The following ARHGAP6 variants were observed in gnomAD, a reference collection of about 807,000 sequenced individuals.
ARHGAP6 encodes the protein rho GTPase-activating protein 6.
In ARHGAP6, 16 loss-of-function variants were observed where a neutral mutation model predicts 55.7. The observed-to-expected ratio is 0.29, with a 90% CI of 0.19 to 0.44. The LOEUF (loss-of-function observed/expected upper bound fraction) is 0.44. Among genes scored for constraint, ARHGAP6 ranks in the 20% least tolerant of loss-of-function variants. The probability of loss-of-function intolerance (pLI) is 1.00; values close to 1 mark genes in which losing one functional copy is unlikely to be tolerated. For missense variants in ARHGAP6, 698 were observed against 808.9 expected, an observed-to-expected ratio of 0.86 and a Z score of 1.66; for synonymous variants, 382 against 360.9, an observed-to-expected ratio of 1.06 and a Z score of -0.66.
chrX:11,600,891 G>T (rs780851992), intron 1 of ARHGAP6, among the ~76,000 whole-genome samples: 1 of 111,925 alleles, frequency 8.9e-6, no homozygotes, highest in South Asian at 3.8e-4. Flanking sequence ...GGACCTTTGC[G>T]AGCCTGGGTG....
At chrX:11,283,453 T>C (rs2047884055) in intron 1 of ARHGAP6, among the ~76,000 whole-genome samples, 1 of 111,810 alleles carries the variant, frequency 8.9e-6, no homozygotes, top group Admixed American at 9.5e-5. Context: ...AGAATAAAGG[T>C]AAAATTATTT....
intron 1 of ARHGAP6, among the ~76,000 whole-genome samples, chrX:11,414,256 C>G (rs2049722271): frequency 8.9e-6 from 1 of 112,362 alleles, no homozygotes; most frequent in African/African-American, 3.2e-5. Flanking sequence ...AGTGTGAAAG[C>G]AGCCAAAGAC....
chrX:11,333,635 G>A (rs1269941486), intron 1 of ARHGAP6, among the ~76,000 whole-genome samples: 1 of 112,415 alleles, frequency 8.9e-6, no homozygotes, highest in Non-Finnish European at 1.9e-5. Flanking sequence ...GCATGAAAAA[G>A]GAGAAGAGAT....
chrX:11,490,064 C>T (rs986914038), intron 1 of ARHGAP6, among the ~76,000 whole-genome samples: 1 of 111,321 alleles, frequency 9.0e-6, no homozygotes, highest in Non-Finnish European at 1.9e-5. Context: ...CAGACATATC[C>T]TAAGATGACC....
intron 1 of ARHGAP6, among the ~76,000 whole-genome samples, chrX:11,448,132 C>T (rs1408779597): frequency 8.9e-6 from 1 of 112,477 alleles, no homozygotes; most frequent in Non-Finnish European, 1.9e-5. Flanking sequence ...TTCAGCCACT[C>T]TCTGTCATGC....
chrX:11,497,247 T>G (rs983804138), intron 1 of ARHGAP6, among the ~76,000 whole-genome samples: 5 of 112,148 alleles, frequency 4.5e-5, no homozygotes, highest in Non-Finnish European at 9.4e-5. Flanking sequence ...ATAACTTAGT[T>G]GGATTATATA....
intron 10 of ARHGAP6, among the ~76,000 whole-genome samples, chrX:11,155,551 C>A (rs147431995): frequency 1.8e-5 from 2 of 111,527 alleles, no homozygotes. Context: ...CTGCCCGCCT[C>A]GGCATCCCAA....
intron 1 of ARHGAP6, among the ~76,000 whole-genome samples, chrX:11,361,567 G>T (rs2049011692): frequency 9.1e-6 from 1 of 109,721 alleles, no homozygotes; most frequent in African/African-American, 3.3e-5. Context: ...GAAAACCTAG[G>T]CAATACCATT....
chrX:11,241,923 T>C (rs1306407977), intron 2 of ARHGAP6, among the ~76,000 whole-genome samples: 1 of 111,602 alleles, frequency 9.0e-6, no homozygotes, highest in African/African-American at 3.3e-5. Flanking sequence ...ACTTGTGAAA[T>C]GTACTAATCC....
At chrX:11,145,638 C>A (rs2045679762) in intron 10 of ARHGAP6, among the ~76,000 whole-genome samples, 1 of 112,384 alleles carries the variant, frequency 8.9e-6, no homozygotes, top group African/African-American at 3.2e-5. Context: ...CACCTGGGAA[C>A]TTGTTGGCAA....
chrX:11,383,490 G>A (rs996178495), intron 1 of ARHGAP6, among the ~76,000 whole-genome samples: 7 of 111,202 alleles, frequency 6.3e-5, no homozygotes, highest in African/African-American at 2.0e-4. Context: ...CCCAGGATGA[G>A]GGCAAAACTC....
chrX:11,367,023 A>G (rs2049089797), intron 1 of ARHGAP6, among the ~76,000 whole-genome samples: 1 of 111,698 alleles, frequency 9.0e-6, no homozygotes, highest in Admixed American at 9.5e-5. Flanking sequence ...GAGAAATAAT[A>G]GAGTTATGGA....
chrX:11,543,323 T>C (rs2051178805), intron 1 of ARHGAP6, among the ~76,000 whole-genome samples: 1 of 112,925 alleles, frequency 8.9e-6, no homozygotes, highest in Non-Finnish European at 1.9e-5. Context: ...AGAGGTTATT[T>C]TGTATAATTT....
intron 2 of ARHGAP6, among the ~76,000 whole-genome samples, chrX:11,202,799 C>CAAAAAAAA (rs776633959): frequency 0.026 from 250 of 9,457 alleles, 24 homozygotes; most frequent in Non-Finnish European, 0.035. Flanking sequence ...GACTCCGTCT[C>CAAAAAAAA]AAAAAAAAAA....
chrX:11,502,137 G>A (rs778346320), intron 1 of ARHGAP6, among the ~76,000 whole-genome samples: 10 of 112,418 alleles, frequency 8.9e-5, no homozygotes, highest in Non-Finnish European at 1.3e-4. Context: ...ATAAACTGTT[G>A]TATATTCATA....
intron 1 of ARHGAP6, among the ~76,000 whole-genome samples, chrX:11,257,302 G>T (rs2047505207): frequency 8.9e-6 from 1 of 112,002 alleles, no homozygotes; most frequent in Non-Finnish European, 1.9e-5. Flanking sequence ...CCTCCAATGG[G>T]CTTAATTATC....
intron 1 of ARHGAP6, among the ~76,000 whole-genome samples, chrX:11,343,561 T>G (rs190111992): frequency 8.9e-6 from 1 of 112,197 alleles, no homozygotes; most frequent in East Asian, 2.8e-4. Context: ...ATAGAGAAAT[T>G]CTTTACATTA....
chrX:11,421,556 T>C (rs2049823689), intron 1 of ARHGAP6, among the ~76,000 whole-genome samples: 1 of 112,218 alleles, frequency 8.9e-6, no homozygotes, highest in African/African-American at 3.2e-5. Flanking sequence ...ATACCTTTTG[T>C]ATCATTAGAG....
rs888425504 is a variant in ARHGAP6 at position 11,441,450 on chromosome X, C to T, written c.589-186743G>A. Among the ~76,000 whole-genome samples the T allele has an allele frequency of 2.7e-5, 3 of 111,817 alleles. No homozygotes were observed. In the East Asian group the frequency reaches 8.4e-4, roughly 31 times the overall value. On this transcript the variant is annotated intron_variant, in intron 1 of 12. Coordinates refer to ENST00000337414, the MANE Select transcript of ARHGAP6 (RefSeq NM_013427.3). Reference sequence around the variant, plus strand: ...ATAATTTGCTTTTCCTAAGACAAGACTCTCCAAACGTTTTGGTTCACAAAG... The same window carrying T: ...ATAATTTGCTTTTCCTAAGACAAGATTCTCCAAACGTTTTGGTTCACAAAG...
Sources: gnomAD v4.1 joint callset for allele counts (sites outside exome capture counted in the v4.1 genomes callset) on GRCh38, gnomAD v4.1.1 for gene constraint, MANE v1.5 for transcripts, NCBI Gene and HGNC (gene_info 2026-07-23, HGNC 2026-07-21) for gene names.